Variants in GRIK2 observed in about 807,000 individuals in gnomAD.
The protein encoded by GRIK2 is glutamate receptor ionotropic, kainate 2.
In GRIK2, 32 loss-of-function variants were observed where a neutral mutation model predicts 100.3. That is an observed-to-expected ratio of 0.32 (90% CI 0.24 to 0.43). The LOEUF is 0.43. Ranked by LOEUF, GRIK2 falls within the 20% of genes least tolerant of loss-of-function variation. The pLI is 1.00. For synonymous variants in GRIK2, 417 were observed against 389.4 expected (o/e 1.07, Z -0.83); for missense variants, 843 against 1,114.9 (o/e 0.76, Z 3.47).
At chr6:101,640,683 C>T (rs1193544028) in intron 4 of GRIK2, among the ~76,000 whole-genome samples, 1 of 152,098 alleles carries the variant, frequency 6.6e-6, no homozygotes, top group Non-Finnish European at 1.5e-5. Flanking sequence ...CTTGATAAAA[C>T]ACTGCTTGCT....
At chr6:101,771,405 A>G (rs1778393785) in intron 7 of GRIK2, among the ~76,000 whole-genome samples, 1 of 152,004 alleles carries the variant, frequency 6.6e-6, no homozygotes, top group Admixed American at 6.6e-5. Flanking sequence ...CTTCATTTAA[A>G]TGAACACAGA....
chr6:101,696,277 G>A (rs1772479004), intron 7 of GRIK2, among the ~76,000 whole-genome samples: 1 of 151,336 alleles, frequency 6.6e-6, no homozygotes, highest in Non-Finnish European at 1.5e-5. Flanking sequence ...CATAAATATA[G>A]AACTTGGCAT....
At chr6:101,581,167 CATAT>C (rs56887492) in intron 2 of GRIK2, among the ~76,000 whole-genome samples, 12,565 of 148,598 alleles carry the variant, frequency 0.085, 1,407 homozygotes, top group African/African-American at 0.26. Flanking sequence ...GATATATATA[CATAT>C]ATATATATAT....
chr6:102,029,237 C>T (rs1422722710), intron 14 of GRIK2, among the ~76,000 whole-genome samples: 1 of 151,090 alleles, frequency 6.6e-6, no homozygotes, highest in African/African-American at 2.4e-5. Flanking sequence ...AATCAGGTCC[C>T]TTGGCAATGA....
intron 7 of GRIK2, among the ~76,000 whole-genome samples, chr6:101,794,068 G>A (rs920716569): frequency 3.0e-4 from 46 of 152,120 alleles, no homozygotes; most frequent in African/African-American, 1.1e-3. Context: ...TCAGAAAAGC[G>A]CAGTATTCGG....
At chr6:101,532,669 T>A (rs1775502066) in intron 2 of GRIK2, among the ~76,000 whole-genome samples, 1 of 151,610 alleles carries the variant, frequency 6.6e-6, no homozygotes, top group Non-Finnish European at 1.5e-5. Context: ...TGGTAAAATA[T>A]ATGTTATGAT....
chr6:101,441,386 G>T (rs1770043063), intron 2 of GRIK2, among the ~76,000 whole-genome samples: 1 of 152,066 alleles, frequency 6.6e-6, no homozygotes, highest in African/African-American at 2.4e-5. Context: ...CAAACAAAAA[G>T]CAGTCATCAT....
chr6:101,577,494 C>A (rs1777846144), intron 2 of GRIK2, among the ~76,000 whole-genome samples: 2 of 151,888 alleles, frequency 1.3e-5, no homozygotes, highest in Admixed American at 1.3e-4. Context: ...AATCTGTCAA[C>A]CTCAAATTAG....
At chr6:101,489,809 C>T (rs1773012210) in intron 2 of GRIK2, among the ~76,000 whole-genome samples, 1 of 146,126 alleles carries the variant, frequency 6.8e-6, no homozygotes, top group Non-Finnish European at 1.5e-5. Flanking sequence ...AACATATTTT[C>T]TAAGGTTAGG....
chr6:101,641,563 C>T (rs1183145676), intron 4 of GRIK2, among the ~76,000 whole-genome samples: 1 of 151,708 alleles, frequency 6.6e-6, no homozygotes, highest in African/African-American at 2.4e-5. Flanking sequence ...CATCAGATGC[C>T]ATTAGAAATT....
intron 5 of GRIK2, among the ~76,000 whole-genome samples, chr6:101,680,926 A>G (rs1217936424): frequency 2.6e-5 from 4 of 152,176 alleles, no homozygotes; most frequent in African/African-American, 7.2e-5. Flanking sequence ...TGATACCTAA[A>G]TTTCCTGTGC....
intron 7 of GRIK2, among the ~76,000 whole-genome samples, chr6:101,773,501 A>G (rs962353039): frequency 1.3e-5 from 2 of 151,802 alleles, no homozygotes; most frequent in African/African-American, 4.8e-5. Flanking sequence ...AAAGGAAAAA[A>G]AAAACTAGTG....
chr6:101,446,358 GCAGCTCAT>G (rs1449903145), intron 2 of GRIK2, among the ~76,000 whole-genome samples: 31 of 151,784 alleles, frequency 2.0e-4, no homozygotes, highest in African/African-American at 7.3e-4. Context: ...TTTTATCTAT[GCAGCTCAT>G]CAGTTCATTA....
chr6:101,888,879 A>C lies in GRIK2; in HGVS notation c.1525-761A>C, dbSNP rs1786846545. Among the ~76,000 whole-genome samples, 4 of 152,270 alleles carry C rather than the reference A, an allele frequency of 2.6e-5. No homozygotes were observed. In the South Asian group the frequency reaches 8.3e-4, roughly 32 times the overall value. On this transcript the variant is annotated intron_variant, in intron 11 of 16. Transcript: ENST00000369134. Reference sequence around the variant, plus strand: ...TTTTAAAATATTGTAATTATTTCTTACAATATATTAGAGCTTAAGTTCATC... The same window carrying C: ...TTTTAAAATATTGTAATTATTTCTTCCAATATATTAGAGCTTAAGTTCATC...
At chr6:101,606,621 T>A (rs1410092780) in intron 2 of GRIK2, among the ~76,000 whole-genome samples, 1 of 152,054 alleles carries the variant, frequency 6.6e-6, no homozygotes, top group East Asian at 1.9e-4. Flanking sequence ...CTGAGCCACC[T>A]CCTTGTTAAG....
At chr6:101,447,497 G>C (rs1770444018) in intron 2 of GRIK2, among the ~76,000 whole-genome samples, 2 of 151,662 alleles carry the variant, frequency 1.3e-5, no homozygotes, top group African/African-American at 2.4e-5. Flanking sequence ...TAAATGGGAA[G>C]CTGTAATCAG....
At chr6:101,974,201 A>T (rs958395800) in intron 14 of GRIK2, among the ~76,000 whole-genome samples, 1 of 152,092 alleles carries the variant, frequency 6.6e-6, no homozygotes, top group Non-Finnish European at 1.5e-5. Flanking sequence ...AATACCAATG[A>T]GTATTATAAA....
At chr6:101,807,865 T>A (rs1781104092) in intron 9 of GRIK2, among the ~76,000 whole-genome samples, 1 of 152,050 alleles carries the variant, frequency 6.6e-6, no homozygotes, top group Admixed American at 6.6e-5. Context: ...TCATTGTCTA[T>A]TTGTGTATTC....
intron 4 of GRIK2, among the ~76,000 whole-genome samples, chr6:101,638,720 A>T (rs1000363436): frequency 2.0e-5 from 3 of 151,934 alleles, no homozygotes; most frequent in African/African-American, 7.3e-5. Flanking sequence ...ATATATGATG[A>T]CATATGTAGA....
Sources: allele counts gnomAD v4.1 joint callset (sites outside exome capture counted in the v4.1 genomes callset), GRCh38; gene constraint gnomAD v4.1.1; transcripts MANE v1.5; gene names NCBI Gene and HGNC (gene_info 2026-07-23, HGNC 2026-07-21).